Variants in PCDHGA4 observed in about 807,000 individuals in gnomAD.
The protein encoded by PCDHGA4 is protocadherin gamma-A4.
In PCDHGA4, 38 loss-of-function variants were observed where a neutral mutation model predicts 54.6. The ratio of observed to expected loss-of-function variants is 0.70; its 90% CI spans 0.54 to 0.91. The LOEUF is 0.91. Among genes scored for constraint, PCDHGA4 ranks in the 40% least tolerant of loss-of-function variants. The pLI, the probability that PCDHGA4 is intolerant of heterozygous loss-of-function variation, is 0.00. For synonymous variants in PCDHGA4, 511 were observed against 512.9 expected (o/e 1.00, Z 0.05); for missense variants, 1,298 against 1,220.9 (o/e 1.06, Z -0.94).
intron 3 of PCDHGA4, among the ~76,000 whole-genome samples, chr5:141,506,861 G>A (rs2099856791): frequency 6.6e-6 from 1 of 152,178 alleles, no homozygotes; most frequent in African/African-American, 2.4e-5. Context: ...TGGAGGACTG[G>A]TGGGTAGAGA....
chr5:141,478,202 C>T, intron 1 of PCDHGA4: 1 of 1,614,074 alleles, frequency 6.2e-7, no homozygotes, highest in Non-Finnish European at 8.5e-7. Flanking sequence ...TTATCTACTT[C>T]TTTCTCTAAT....
Position 141,355,511 on chromosome 5 carries a change from C to T in PCDHGA4, c.404C>T (p.Thr135Ile). Residue 135 changes from threonine (T) to isoleucine (I), a missense_variant, in exon 1 of 4, where the codon ACA becomes ATA. Physicochemically the swap from Thr to Ile is moderately conservative, Grantham distance 89. Coordinates refer to ENST00000571252, the MANE Select transcript of PCDHGA4 (RefSeq NM_018917.4). ...TGCGACAGATCTCCAAACTGTGTGA[C>T]AAACCTGGAGATTCTTCTAGAAGAT... is the stretch of plus-strand genomic sequence containing the variant. ...ELCDRSPNCV[T>I]NLEILLEDTV... The T allele has an allele frequency of 6.2e-7, 1 of 1,614,022 alleles. No individual in the cohort carries two copies. Among genetic ancestry groups the T allele is most frequent in the Admixed American group, 1.7e-5 (1 of 60,030 alleles).
At chr5:141,467,491 A>T (rs2154569531) in intron 1 of PCDHGA4, among the ~76,000 whole-genome samples, 1 of 152,224 alleles carries the variant, frequency 6.6e-6, no homozygotes, top group Admixed American at 6.5e-5. Flanking sequence ...CCACATTTAG[A>T]TCCCTGATCT....
In PCDHGA4 at chr5:141,432,571, G is replaced by C; in HGVS notation, c.2515-62236G>C. On this transcript the variant is annotated intron_variant, in intron 1 of 3. Transcript: ENST00000571252. The surrounding 1 kb of genome is among the most constrained non-coding windows in gnomAD (Gnocchi z 6.0). ...GAGACTCCGGCCAGAACGCCTGGCT[G>C]TCCTACCGTCTGCTCAAGGCCAGCG... The C allele has an allele frequency of 6.2e-7, 1 of 1,613,954 alleles. No individual in the cohort carries two copies. The highest frequency in any genetic ancestry group is 8.5e-7 in the Non-Finnish European group (1 of 1,179,992).
rs754835805 is a variant in PCDHGA4 at position 141,415,008 on chromosome 5, T to C, written c.2514+57387T>C. ...GCCAGAACGCCTGGCTGTCCTACCGTCTGCTCAAGGCCAGCGAGCCGGGAC... is the reference window on the plus strand; with the variant it reads ...GCCAGAACGCCTGGCTGTCCTACCGCCTGCTCAAGGCCAGCGAGCCGGGAC... On this transcript the variant is annotated intron_variant, in intron 1 of 3. Transcript: ENST00000571252. 3.1e-6 allele frequency: 5 copies of C among 1,613,636 alleles called. No individual in the cohort carries two copies. The South Asian group carries it at 3.3e-5, about 11-fold the overall frequency.
chr5:141,366,416 G>A (rs767881897), intron 1 of PCDHGA4: 1 of 1,614,000 alleles, frequency 6.2e-7, no homozygotes, highest in African/African-American at 1.3e-5. Context: ...TCTTGTGGTG[G>A]CAGTGGCTGC....
At chr5:141,393,177 G>T (rs1330463387) in intron 1 of PCDHGA4, 1 of 1,613,292 alleles carries the variant, frequency 6.2e-7, no homozygotes, top group Non-Finnish European at 8.5e-7. Context: ...GGTAGAAATA[G>T]AAATAATTGA....
At chr5:141,393,224 T>C in intron 1 of PCDHGA4, 1 of 1,613,670 alleles carries the variant, frequency 6.2e-7, no homozygotes, top group South Asian at 1.1e-5. Flanking sequence ...AGGTCGAAGA[T>C]CTAGAAGTAA....
At chr5:141,459,236 G>A (rs1248794102) in intron 1 of PCDHGA4, among the ~76,000 whole-genome samples, 2 of 152,176 alleles carry the variant, frequency 1.3e-5, no homozygotes, top group African/African-American at 2.4e-5. Context: ...CAACTGGTCT[G>A]CTTCCTGTCA....
chr5:141,370,699 G>T, intron 1 of PCDHGA4: 3 of 1,613,804 alleles, frequency 1.9e-6, no homozygotes, highest in Non-Finnish European at 2.5e-6. Context: ...AAGTCGACGT[G>T]TGTTCTGGAA....
chr5:141,367,678 G>A (rs1215387701), intron 1 of PCDHGA4: 1 of 152,144 alleles, frequency 6.6e-6, no homozygotes, highest in Non-Finnish European at 1.5e-5. Context: ...GGCTTGTTGA[G>A]AGAAGAAATC....
At chr5:141,360,395 G>A in intron 1 of PCDHGA4, 1 of 1,613,930 alleles carries the variant, frequency 6.2e-7, no homozygotes, top group South Asian at 1.1e-5. Flanking sequence ...TTACTTGTGA[G>A]TGACAGAATA....
At chr5:141,455,185 T>C (rs1334330699) in intron 1 of PCDHGA4, among the ~76,000 whole-genome samples, 1 of 152,064 alleles carries the variant, frequency 6.6e-6, no homozygotes, top group Admixed American at 6.6e-5. Flanking sequence ...TTTTTATTTC[T>C]CTACAAATTT....
At chr5:141,366,872 A>G in intron 1 of PCDHGA4, 1 of 1,396,140 alleles carries the variant, frequency 7.2e-7, no homozygotes, top group Non-Finnish European at 9.6e-7. Flanking sequence ...GCTGTATTGG[A>G]GATTAATTTT....
At position 141,372,042 on chromosome 5, in the gene PCDHGA4, G is replaced by A. The variant is rs373749332; in HGVS notation, c.2514+14421G>A. The A allele has an allele frequency of 5.0e-6, 8 of 1,613,478 alleles. No individual in the cohort carries two copies. The East Asian group carries it at 1.3e-4, about 27-fold the overall frequency. The stretch of plus-strand genomic sequence containing the variant: ...GCTCAGCGCCAACGTGAGCCTGCGC[G>A]TGTTGGTGGACGACCGCAACGACAA... On this transcript the variant is annotated intron_variant, in intron 1 of 3. Transcript: ENST00000571252.
chr5:141,444,151 G>T (rs1031944414), intron 1 of PCDHGA4, among the ~76,000 whole-genome samples: 1 of 92,746 alleles, frequency 1.1e-5, no homozygotes, highest in Non-Finnish European at 2.1e-5. Flanking sequence ...GTGTGTACTG[G>T]ATTTTTTTTT....
Position 141,356,907 on chromosome 5 carries a change from T to G in PCDHGA4, c.1800T>G (p.Thr600=), listed in dbSNP as rs17097226. Residue 600 remains threonine (T), a synonymous_variant, in exon 1 of 4, where the codon ACT becomes ACG. Transcript: ENST00000571252. ...AGATCCTGTACCCCACCTTCCCTAC[T>G]GATGGCTCCACTGGTGTGGAGCTGG... ...VPEILYPTFP[T]DGSTGVELAP... is the part of the protein sequence containing the mutation. 153,078 of 1,614,072 alleles carry G rather than the reference T, an allele frequency of 0.095. 9,003 individuals are homozygous for G. Among genetic ancestry groups the G allele is most frequent in the African/African-American group, 0.29 (21,551 of 74,988 alleles).
chr5:141,372,278 G>A (rs756938433), intron 1 of PCDHGA4: 7 of 1,613,020 alleles, frequency 4.3e-6, no homozygotes, highest in Non-Finnish European at 3.4e-6. Flanking sequence ...AGGTGCGCAC[G>A]GCGCGTACCT....
chr5:141,414,413 C>T, intron 1 of PCDHGA4: 1 of 1,613,830 alleles, frequency 6.2e-7, no homozygotes. Flanking sequence ...ATACACAGAG[C>T]CCTTGACAGG....
Sources: allele counts gnomAD v4.1 joint callset (sites outside exome capture counted in the v4.1 genomes callset), GRCh38; gene constraint gnomAD v4.1.1; non-coding constraint Gnocchi (gnomAD v3.1); transcripts MANE v1.5; gene names NCBI Gene and HGNC (gene_info 2026-07-23, HGNC 2026-07-21).